The following MSRB3 variants were observed in gnomAD, a reference collection of about 807,000 sequenced individuals.
The protein encoded by MSRB3 is methionine sulfoxide reductase B3.
In MSRB3, 13 loss-of-function variants were observed where a neutral mutation model predicts 21.0. The ratio of observed to expected loss-of-function variants is 0.62; its 90% CI spans 0.40 to 0.98. The LOEUF (loss-of-function observed/expected upper bound fraction) is 0.98, where lower values mean the gene tolerates loss of function less well. Ranked by LOEUF, MSRB3 falls within the 50% of genes least tolerant of loss-of-function variation. The pLI is 0.00. For synonymous variants in MSRB3, 87 were observed against 88.6 expected (o/e 0.98, Z 0.10); for missense variants, 199 against 230.3 (o/e 0.86, Z 0.88).
At chr12:65,349,665 G>A (rs1876799205) in intron 4 of MSRB3, among the ~76,000 whole-genome samples, 1 of 147,442 alleles carries the variant, frequency 6.8e-6, no homozygotes, top group Non-Finnish European at 1.5e-5. Context: ...GCCAGTGATG[G>A]TGAGCATTTT....
chr12:65,314,548 A>T lies in MSRB3; in HGVS notation c.76+5893A>T, dbSNP rs79883602. 5.8e-3 allele frequency among the ~76,000 whole-genome samples: 878 copies of T among 152,256 alleles called. 5 individuals carry two copies. Among genetic ancestry groups the T allele is most frequent in the Non-Finnish European group, 0.01 (681 of 67,952 alleles). ...CTGTGCAGCATCTAATTACCAGATGAACTTTTAATTATCTGTGACAATGGA... is the reference window on the plus strand; with the variant it reads ...CTGTGCAGCATCTAATTACCAGATGTACTTTTAATTATCTGTGACAATGGA... On this transcript the variant is annotated intron_variant, in intron 2 of 6. Transcript: ENST00000308259.
intron 6 of MSRB3, among the ~76,000 whole-genome samples, chr12:65,458,504 TAAAAG>T (rs1205437444): frequency 1.3e-5 from 2 of 152,226 alleles, no homozygotes; most frequent in African/African-American, 2.4e-5. Flanking sequence ...GAGGTTCTTC[TAAAAG>T]AATTGTTGTG....
In MSRB3 at chr12:65,449,205, A is replaced by ATT. The variant is rs11313276; in HGVS notation, c.293-4510_293-4509dup. Among the ~76,000 whole-genome samples, 327 of 139,848 alleles carry ATT rather than the reference A, an allele frequency of 2.3e-3. 2 individuals are homozygous for ATT. The highest frequency in any genetic ancestry group is 0.015 in the East Asian group (70 of 4,812). 91.7% of individuals were successfully genotyped at this position (139,848 alleles called of 152,430 possible). ...CACCACGCCTGGCTAATTTTTTTGT[A>ATT]TTTTTTTTTTTTTTGTAGAGGCGGG... is the stretch of plus-strand genomic sequence containing the variant. On this transcript the variant is annotated intron_variant, in intron 5 of 6. Coordinates refer to ENST00000308259, the MANE Select transcript of MSRB3 (RefSeq NM_001031679.3).
intron 2 of MSRB3, among the ~76,000 whole-genome samples, chr12:65,321,518 GT>G (rs994517247): frequency 8.8e-4 from 134 of 152,168 alleles, no homozygotes; most frequent in African/African-American, 3.0e-3. Context: ...TCTCAGGAAT[GT>G]TTTTCCTATA....
rs1198587638 is a variant in MSRB3, at chr12:65,463,957, C to T, written c.*635C>T. ...AGTAAACATTACCACACTGTTAGGC[C>T]TTTATTTTATTTTATTTTCCATCGA... On this transcript the variant is annotated 3_prime_UTR_variant, in exon 7 of 7. Transcript: ENST00000308259. 6.6e-6 allele frequency: 1 copy of T among 152,496 alleles called. No individual in the cohort carries two copies. Among genetic ancestry groups the T allele is most frequent in the South Asian group, 2.1e-4 (1 of 4,842 alleles). The allele number at this position is 152,496 out of a possible 1,614,324, so 9.4% of individuals were successfully genotyped here.
intron 5 of MSRB3, among the ~76,000 whole-genome samples, chr12:65,414,599 G>A (rs929373612): frequency 1.3e-5 from 2 of 152,142 alleles, no homozygotes; most frequent in Admixed American, 6.5e-5. Flanking sequence ...TACCGTCTAT[G>A]TTTATGTAAA....
At chr12:65,431,186 A>G (rs1320334566) in intron 5 of MSRB3, among the ~76,000 whole-genome samples, 3 of 152,040 alleles carry the variant, frequency 2.0e-5, no homozygotes, top group Non-Finnish European at 4.4e-5. Flanking sequence ...TACTTCCTAA[A>G]TGACTGTATT....
intron 4 of MSRB3, among the ~76,000 whole-genome samples, chr12:65,365,389 A>G (rs1877950548): frequency 1.3e-5 from 2 of 152,172 alleles, no homozygotes; most frequent in Admixed American, 1.3e-4. Flanking sequence ...GGATGCTGAC[A>G]TGATTCACGT....
At chr12:65,363,933 C>T (rs1387163177) in intron 4 of MSRB3, among the ~76,000 whole-genome samples, 1 of 152,170 alleles carries the variant, frequency 6.6e-6, no homozygotes, top group African/African-American at 2.4e-5. Flanking sequence ...TTGCATTGAG[C>T]TCATAACATG....
Position 65,463,266 on chromosome 12 carries a change from G to A in MSRB3, c.502G>A (p.Ala168Thr), listed in dbSNP as rs142488075. 9.5e-5 allele frequency: 154 copies of A among 1,614,178 alleles called. No individual in the cohort carries two copies. The highest frequency in any genetic ancestry group is 1.3e-4 in the East Asian group (6 of 44,874). Residue 168 changes from alanine (A) to threonine (T), a missense_variant, in exon 7 of 7, where the codon GCC becomes ACC. Transcript: ENST00000308259. ...SFTPADSSGT[A>T]EGGSGVASPA... ...TACACCTGCGGATAGCAGTGGCACC[G>A]CCGAGGGAGGCAGTGGGGTCGCCAG... is the stretch of plus-strand genomic sequence containing the variant.
At chr12:65,281,722 T>TG (rs1872032392) in intron 1 of MSRB3, 1 of 152,230 alleles carries the variant, frequency 6.6e-6, no homozygotes, top group South Asian at 2.1e-4. Context: ...TATTTAGGTC[T>TG]GGGTTAGGGA....
chr12:65,428,880 A>C (rs1210807267), intron 5 of MSRB3, among the ~76,000 whole-genome samples: 1 of 152,098 alleles, frequency 6.6e-6, no homozygotes, highest in East Asian at 1.9e-4. Context: ...CTCCCTTGGA[A>C]TATCCTTTTT....
intron 5 of MSRB3, among the ~76,000 whole-genome samples, chr12:65,411,021 T>C (rs2136624360): frequency 6.6e-6 from 1 of 152,328 alleles, no homozygotes; most frequent in African/African-American, 2.4e-5. Context: ...ATTCTCATTT[T>C]GTTTAATGTC....
At chr12:65,313,673 C>T (rs1874124073) in intron 2 of MSRB3, among the ~76,000 whole-genome samples, 1 of 152,024 alleles carries the variant, frequency 6.6e-6, no homozygotes, top group South Asian at 2.1e-4. Flanking sequence ...ATTGGTGTCC[C>T]TAAAGGAATT....
intron 4 of MSRB3, among the ~76,000 whole-genome samples, chr12:65,345,122 A>T (rs1271716524): frequency 3.9e-5 from 6 of 152,010 alleles, no homozygotes; most frequent in African/African-American, 1.2e-4. Flanking sequence ...CCTAAAGATT[A>T]ATTTGATGTT....
chr12:65,450,813 C>T (rs1882821691), intron 5 of MSRB3, among the ~76,000 whole-genome samples: 1 of 152,146 alleles, frequency 6.6e-6, no homozygotes, highest in Admixed American at 6.5e-5. Flanking sequence ...GGCAAGGTTT[C>T]CTTTGAGGAT....
chr12:65,432,998 GA>G (rs1881956474), intron 5 of MSRB3, among the ~76,000 whole-genome samples: 1 of 122,798 alleles, frequency 8.1e-6, no homozygotes, highest in Middle Eastern at 4.6e-3. Context: ...AGAGGATGTA[GA>G]AAAATTGGAA....
intron 5 of MSRB3, among the ~76,000 whole-genome samples, chr12:65,412,445 T>G (rs530232030): frequency 6.6e-6 from 1 of 152,274 alleles, no homozygotes; most frequent in Non-Finnish European, 1.5e-5. Context: ...ACCATCATAG[T>G]TAAGTTGGGC....
chr12:65,320,358 AGAAT>A (rs1348076607), intron 2 of MSRB3, among the ~76,000 whole-genome samples: 4 of 152,200 alleles, frequency 2.6e-5, no homozygotes, highest in Non-Finnish European at 5.9e-5. Flanking sequence ...GTAAAAATTA[AGAAT>A]GTTTTTTAAA....
Sources: allele counts gnomAD v4.1 joint callset (sites outside exome capture counted in the v4.1 genomes callset), GRCh38; gene constraint gnomAD v4.1.1; transcripts MANE v1.5; gene names NCBI Gene and HGNC (gene_info 2026-07-23, HGNC 2026-07-21).